Variants in EYS observed in about 807,000 individuals in gnomAD.
EYS encodes protein eyes shut homolog.
A neutral mutation model predicts 282.1 loss-of-function variants in EYS; 250 were observed. The ratio of observed to expected loss-of-function variants is 0.89; its 90% CI spans 0.80 to 0.98. The LOEUF (loss-of-function observed/expected upper bound fraction) is 0.98, where lower values mean the gene tolerates loss of function less well. Ranked by LOEUF, EYS falls within the 50% of genes least tolerant of loss-of-function variation. The probability of loss-of-function intolerance (pLI) is 0.00; values close to 1 mark genes in which losing one functional copy is unlikely to be tolerated. For missense variants in EYS, 4,016 were observed against 3,709.0 expected (o/e 1.08, Z -2.15); for synonymous variants, 1,355 against 1,282.9 (o/e 1.06, Z -1.20).
chr6:64,979,007 A>C (rs1770564902), intron 14 of EYS, among the ~76,000 whole-genome samples: 1 of 151,906 alleles, frequency 6.6e-6, no homozygotes. Context: ...AATGGGATTT[A>C]GAATATTACA....
intron 12 of EYS, among the ~76,000 whole-genome samples, chr6:65,258,288 G>C (rs1190298742): frequency 6.6e-6 from 1 of 152,014 alleles, no homozygotes; most frequent in Non-Finnish European, 1.5e-5. Context: ...AGCAAGGGAA[G>C]AAGAGTTGAA....
At chr6:65,698,154 C>T (rs1479403916) in intron 1 of EYS, among the ~76,000 whole-genome samples, 1 of 151,962 alleles carries the variant, frequency 6.6e-6, no homozygotes, top group Non-Finnish European at 1.5e-5. Flanking sequence ...GACAAAGGTG[C>T]ATCATTATAC....
chr6:65,211,192 A>G (rs1343277114), intron 12 of EYS, among the ~76,000 whole-genome samples: 1 of 152,086 alleles, frequency 6.6e-6, no homozygotes, highest in Non-Finnish European at 1.5e-5. Context: ...AGGAACCTTG[A>G]AGTTCAGAGA....
At chr6:64,425,100 C>CA in intron 28 of EYS, among the ~76,000 whole-genome samples, 1 of 152,042 alleles carries the variant, frequency 6.6e-6, no homozygotes, top group South Asian at 2.1e-4. Flanking sequence ...AATGGAATGT[C>CA]AAAGTGAATG....
At chr6:64,281,662 T>A (rs1464058743) in intron 30 of EYS, among the ~76,000 whole-genome samples, 2 of 152,116 alleles carry the variant, frequency 1.3e-5, no homozygotes, top group Non-Finnish European at 2.9e-5. Context: ...AGAATTGAAA[T>A]TCTATTTAGA....
chr6:63,750,149 T>A (rs1769307998), intron 41 of EYS, among the ~76,000 whole-genome samples: 1 of 152,210 alleles, frequency 6.6e-6, no homozygotes, highest in Non-Finnish European at 1.5e-5. Flanking sequence ...TGTTCATGCA[T>A]AATTTTCCTG....
intron 29 of EYS, among the ~76,000 whole-genome samples, chr6:64,307,955 T>G (rs1045452327): frequency 6.6e-6 from 1 of 152,026 alleles, no homozygotes; most frequent in African/African-American, 2.4e-5. Flanking sequence ...ATAGATTACA[T>G]AGTCACTAAT....
chr6:65,296,927 T>G (rs17496685), intron 11 of EYS, among the ~76,000 whole-genome samples: 7,022 of 145,266 alleles, frequency 0.048, 220 homozygotes, highest in South Asian at 0.091. Context: ...AGTGGGGATA[T>G]TTTTCTGGAG....
chr6:64,770,842 T>G (rs1355921310), intron 22 of EYS, among the ~76,000 whole-genome samples: 1 of 151,916 alleles, frequency 6.6e-6, no homozygotes, highest in African/African-American at 2.4e-5. Flanking sequence ...AGAGCCCGTC[T>G]TTGTAGGTTA....
intron 22 of EYS, among the ~76,000 whole-genome samples, chr6:64,776,373 G>T (rs1013904963): frequency 3.9e-5 from 6 of 152,012 alleles, no homozygotes; most frequent in African/African-American, 4.8e-5. Flanking sequence ...GAACTGCAGG[G>T]TTTACGCCAA....
chr6:65,190,051 T>C (rs1264248216), intron 12 of EYS, among the ~76,000 whole-genome samples: 1 of 151,506 alleles, frequency 6.6e-6, no homozygotes, highest in African/African-American at 2.4e-5. Flanking sequence ...TTGCAAGAAC[T>C]TCCTTTAAAG....
chr6:64,884,587 G>C (rs181284748), intron 19 of EYS, among the ~76,000 whole-genome samples: 1 of 151,464 alleles, frequency 6.6e-6, no homozygotes, highest in Admixed American at 6.6e-5. Context: ...AAGATTTCCA[G>C]AGAAGGCTAA....
At chr6:64,240,537 T>C (rs1766787454) in intron 30 of EYS, among the ~76,000 whole-genome samples, 2 of 152,340 alleles carry the variant, frequency 1.3e-5, no homozygotes, top group East Asian at 1.9e-4. Flanking sequence ...AGTTCACTCA[T>C]GATTTGGCTC....
chr6:63,799,137 C>T (rs113681319), intron 37 of EYS, among the ~76,000 whole-genome samples: 1 of 150,550 alleles, frequency 6.6e-6, no homozygotes, highest in African/African-American at 2.4e-5. Context: ...CCTCAGCCTC[C>T]TGAGTAGCTG....
chr6:64,460,785 C>T (rs1481644479), intron 26 of EYS, among the ~76,000 whole-genome samples: 1 of 152,120 alleles, frequency 6.6e-6, no homozygotes, highest in Admixed American at 6.5e-5. Context: ...AGTGATTTTT[C>T]ATATTTTACC....
chr6:63,811,609 CCTG>C (rs971952077), intron 36 of EYS, among the ~76,000 whole-genome samples: 12 of 152,082 alleles, frequency 7.9e-5, no homozygotes, highest in Non-Finnish European at 1.8e-4. Context: ...AGTCTCTATC[CCTG>C]CTTTTTTCCA....
intron 11 of EYS, among the ~76,000 whole-genome samples, chr6:65,311,971 T>G (rs1249735399): frequency 1.3e-5 from 2 of 152,228 alleles, no homozygotes; most frequent in African/African-American, 2.4e-5. Context: ...ATTTGAAATT[T>G]ATATTTAGCT....
intron 9 of EYS, among the ~76,000 whole-genome samples, chr6:65,347,186 C>T (rs954364498): frequency 1.8e-4 from 27 of 151,666 alleles, no homozygotes; most frequent in Non-Finnish European, 3.4e-4. Context: ...AAATTTTTAC[C>T]AGGCTAAGAG....
chr6:65,549,553 G>A (rs1420511572), intron 2 of EYS, among the ~76,000 whole-genome samples: 1 of 152,088 alleles, frequency 6.6e-6, no homozygotes, highest in Non-Finnish European at 1.5e-5. Context: ...TGTATTCCTA[G>A]GGCTGTCTTT....
Sources: allele counts gnomAD v4.1 joint callset (sites outside exome capture counted in the v4.1 genomes callset), GRCh38; gene constraint gnomAD v4.1.1; transcripts MANE v1.5; gene names NCBI Gene and HGNC (gene_info 2026-07-23, HGNC 2026-07-21).